Variants in TPTE2 observed in about 807,000 individuals in gnomAD.
TPTE2 encodes phosphatidylinositol 3,4,5-trisphosphate 3-phosphatase TPTE2.
A neutral mutation model predicts 78.6 loss-of-function variants in TPTE2; 53 were observed. The ratio of observed to expected loss-of-function variants is 0.67; its 90% CI spans 0.54 to 0.85. The LOEUF is 0.85. Ranked by LOEUF, TPTE2 falls within the 40% of genes least tolerant of loss-of-function variation. TPTE2 has a pLI of 0.00. For missense variants in TPTE2, 461 were observed against 623.0 expected, an observed-to-expected ratio of 0.74 and a Z score of 2.77; for synonymous variants, 175 against 206.2, an observed-to-expected ratio of 0.85 and a Z score of 1.30.
At chr13:19,515,114 A>T (rs1414082564) in intron 1 of TPTE2, among the ~76,000 whole-genome samples, 2 of 152,210 alleles carry the variant, frequency 1.3e-5, no homozygotes, top group Non-Finnish European at 2.9e-5. Flanking sequence ...ACATATTTTT[A>T]GTTTCAAATA....
intron 15 of TPTE2, among the ~76,000 whole-genome samples, 155 bp from the exon 19 acceptor site, chr13:19,432,733 A>G (rs1876762770): frequency 1.3e-5 from 2 of 149,042 alleles, no homozygotes. Context: ...ATTTTTAGGG[A>G]TGCTGCCCCA....
chr13:19,541,214 A>G (rs1047977591), upstream of TPTE2, among the ~76,000 whole-genome samples: 1 of 152,210 alleles, frequency 6.6e-6, no homozygotes, highest in Non-Finnish European at 1.5e-5. Context: ...ACAACATGAT[A>G]GCACACTCTA....
At chr13:19,478,812 A>G (rs1260162707) in intron 4 of TPTE2, among the ~76,000 whole-genome samples, 4 of 152,206 alleles carry the variant, frequency 2.6e-5, no homozygotes, top group Non-Finnish European at 4.4e-5. Flanking sequence ...CATATACACC[A>G]TGGAATACTA....
At chr13:19,503,295 A>G, upstream of TPTE2, 4 of 1,613,120 alleles carry the variant, frequency 2.5e-6, no homozygotes, top group Non-Finnish European at 3.4e-6. Flanking sequence ...ATGACAAAAG[A>G]ATACAGTCAG....
At chr13:19,534,262 G>A (rs1871067135) in intron 1 of TPTE2, among the ~76,000 whole-genome samples, 1 of 152,188 alleles carries the variant, frequency 6.6e-6, no homozygotes, top group South Asian at 2.1e-4. Context: ...CAGAATAGTT[G>A]TATGGGGACT....
chr13:19,475,855 A>G (rs1321965090), intron 4 of TPTE2, among the ~76,000 whole-genome samples: 1 of 152,164 alleles, frequency 6.6e-6, no homozygotes, highest in Non-Finnish European at 1.5e-5. Context: ...TAACATTTCC[A>G]TTGCATGCAA....
chr13:19,520,596 T>G (rs1457607634), intron 1 of TPTE2, among the ~76,000 whole-genome samples: 1 of 151,964 alleles, frequency 6.6e-6, no homozygotes, highest in Non-Finnish European at 1.5e-5. Context: ...CTGCTTGCTA[T>G]TTTATTTTCA....
intron 1 of TPTE2, among the ~76,000 whole-genome samples, chr13:19,510,262 T>C (rs1375149390): frequency 6.6e-6 from 1 of 152,098 alleles, no homozygotes; most frequent in Non-Finnish European, 1.5e-5. Context: ...TACCTGAGGC[T>C]GGGTAATTTA....
At chr13:19,454,322 T>G (rs1182606230) in intron 10 of TPTE2, among the ~76,000 whole-genome samples, 2 of 152,190 alleles carry the variant, frequency 1.3e-5, no homozygotes, top group East Asian at 3.9e-4. Flanking sequence ...TAAGTATGCC[T>G]GGATTTGAAT....
intron 1 of TPTE2, among the ~76,000 whole-genome samples, chr13:19,494,073 T>C (rs1445249905): frequency 6.6e-6 from 1 of 152,112 alleles, no homozygotes; most frequent in Non-Finnish European, 1.5e-5. Flanking sequence ...CCCCAAGTAC[T>C]CCTACTTCCT....
At chr13:19,548,990 G>A in the TPTE2 span, among the ~76,000 whole-genome samples, 3 of 151,830 alleles carry the variant, frequency 2.0e-5, no homozygotes, top group African/African-American at 4.8e-5. Flanking sequence ...GCATGGTGGC[G>A]GGCCCCTGTA....
At chr13:19,458,417 T>G (rs1210700036) in intron 10 of TPTE2, 1 of 399,024 alleles carries the variant, frequency 2.5e-6, no homozygotes, top group African/African-American at 2.1e-5. Flanking sequence ...ACTAGTAGCT[T>G]TTTTGAGATA....
At chr13:19,509,708 T>G (rs1593409404) in intron 1 of TPTE2, among the ~76,000 whole-genome samples, 1 of 152,116 alleles carries the variant, frequency 6.6e-6, no homozygotes, top group East Asian at 1.9e-4. Context: ...AAAATCTATG[T>G]CAACATATAA....
At position 19,482,475 on chromosome 13, in the gene TPTE2, C is replaced by T. The variant is rs753480122; in HGVS notation, c.179+13G>A. The stretch of plus-strand genomic sequence containing the variant: ...TCAATGGCTCCCTCCTTTCAAACTT[C>T]AAACTGACTTACTCATATGAAGCAA... On this transcript the variant is annotated intron_variant, in intron 4 of 19. Coordinates refer to ENST00000400230, the Ensembl canonical transcript of TPTE2. 4 of 1,610,948 alleles carry T rather than the reference C, an allele frequency of 2.5e-6. No individual in the cohort carries two copies. The highest frequency in any genetic ancestry group is 2.5e-6 in the Non-Finnish European group (3 of 1,178,434).
upstream of TPTE2, among the ~76,000 whole-genome samples, chr13:19,537,314 A>G (rs570874657): frequency 2.7e-5 from 4 of 150,844 alleles, no homozygotes; most frequent in South Asian, 8.4e-4. Flanking sequence ...GCTCACTGCA[A>G]CCTCCACTTG....
At chr13:19,477,481 G>A (rs915831730) in intron 4 of TPTE2, among the ~76,000 whole-genome samples, 17 of 152,128 alleles carry the variant, frequency 1.1e-4, no homozygotes, top group Middle Eastern at 3.4e-3. Flanking sequence ...CACCACCTCC[G>A]CCCAGGCTTG....
chr13:19,526,416 G>T (rs562038806), intron 1 of TPTE2, among the ~76,000 whole-genome samples: 1 of 150,882 alleles, frequency 6.6e-6, no homozygotes, highest in Admixed American at 6.6e-5. Flanking sequence ...AAAGCCTGGA[G>T]GCCATCCAGC....
At chr13:19,540,012 C>T (rs950570786), upstream of TPTE2, among the ~76,000 whole-genome samples, 3 of 151,934 alleles carry the variant, frequency 2.0e-5, no homozygotes, top group East Asian at 1.9e-4. Context: ...GGTGTGGGGG[C>T]GAGTACCTGT....
rs1879811744 is a variant in TPTE2 at position 19,474,320 on chromosome 13, G to A, written c.231-245C>T. ...AAATTCTCACCAAACCACTTCACAAGATATCATGGCCTTTTATAGTAGACA... is the reference window on the plus strand; with the variant it reads ...AAATTCTCACCAAACCACTTCACAAAATATCATGGCCTTTTATAGTAGACA... On this transcript the variant is annotated intron_variant, in intron 5 of 19. Coordinates refer to ENST00000400230, the Ensembl canonical transcript of TPTE2. Among the ~76,000 whole-genome samples the A allele has an allele frequency of 1.3e-5, 2 of 152,124 alleles. 1 individual carries two copies. The highest frequency in any genetic ancestry group is 4.8e-5 in the African/African-American group (2 of 41,432).
Sources: gnomAD v4.1 joint callset for allele counts (sites outside exome capture counted in the v4.1 genomes callset) on GRCh38, gnomAD v4.1.1 for gene constraint, MANE v1.5 for transcripts, NCBI Gene and HGNC (gene_info 2026-07-23, HGNC 2026-07-21) for gene names.